The following FAM178B variants were observed in gnomAD, a reference collection of about 807,000 sequenced individuals.
The protein encoded by FAM178B is family with sequence similarity 178 member B.
FAM178B carries 82 observed loss-of-function variants against 91.7 expected under a neutral mutation model. That is an observed-to-expected ratio of 0.89 (90% CI 0.75 to 1.07). The LOEUF (loss-of-function observed/expected upper bound fraction) is 1.07. Among genes scored for constraint, FAM178B ranks in the 50% least tolerant of loss-of-function variants. The probability of loss-of-function intolerance (pLI) is 0.00; values close to 1 mark genes in which losing one functional copy is unlikely to be tolerated. For synonymous variants in FAM178B, 368 were observed against 359.4 expected (o/e 1.02, Z -0.27); for missense variants, 769 against 846.7 (o/e 0.91, Z 1.14).
chr2:96,951,549 G>T, intron 6 of FAM178B, 65 bp from the exon 7 acceptor site: 1 of 1,228,368 alleles, frequency 8.1e-7, no homozygotes, highest in Non-Finnish European at 1.2e-6. Flanking sequence ...CGGTGACACC[G>T]CGGGAGGCTG....
chr2:96,876,411 G>C, intron 16 of FAM178B, 103 bp from the exon 17 acceptor site: 1 of 1,430,906 alleles, frequency 7.0e-7, no homozygotes, highest in South Asian at 1.2e-5. Context: ...CCCATCGCAG[G>C]CTCATGCCAG....
chr2:96,984,029 G>C (rs1240554373), intron 1 of FAM178B, among the ~76,000 whole-genome samples: 1 of 152,016 alleles, frequency 6.6e-6, no homozygotes, highest in Non-Finnish European at 1.5e-5. Flanking sequence ...GAGTGTAATG[G>C]CACAATCTCG....
chr2:96,964,803 T>C (rs1730122), intron 5 of FAM178B, among the ~76,000 whole-genome samples: 122,551 of 152,014 alleles, frequency 0.81, 50,753 homozygotes, highest in Non-Finnish European at 0.88. Flanking sequence ...TGCAGGGCAC[T>C]GTGACCTCTA....
intron 7 of FAM178B, chr2:96,949,938 A>G: frequency 1.0e-6 from 1 of 972,212 alleles, no homozygotes; most frequent in Non-Finnish European, 1.2e-6. Flanking sequence ...GTAGCGACAC[A>G]GGAGTAGGTG....
chr2:96,901,891 T>C (rs28612110), intron 13 of FAM178B, among the ~76,000 whole-genome samples: 44,685 of 151,982 alleles, frequency 0.29, 11,512 homozygotes, highest in African/African-American at 0.7. Context: ...CTCTGCCTCC[T>C]GGGTTCAAGA....
chr2:96,967,911 CTTTTTTTTTTTTTTT>C (rs60965536), intron 4 of FAM178B, among the ~76,000 whole-genome samples: 3 of 62,418 alleles, frequency 4.8e-5, no homozygotes, highest in Non-Finnish European at 9.0e-5. Context: ...CCTGTTTGGT[CTTTTTTTTTTTTTTT>C]TTTTTTTTTT....
chr2:96,905,846 A>ATGTGTGTGTGTGTG (rs1559064237), intron 12 of FAM178B, among the ~76,000 whole-genome samples: 1 of 26,914 alleles, frequency 3.7e-5, no homozygotes, highest in Non-Finnish European at 7.8e-5. Context: ...ATATATATAT[A>ATGTGTGTGTGTGTG]TATATATATA....
chr2:96,957,103 G>A (rs1026444282), intron 6 of FAM178B, among the ~76,000 whole-genome samples: 7 of 151,976 alleles, frequency 4.6e-5, no homozygotes, highest in Admixed American at 2.6e-4. Context: ...GAGCTCAAGC[G>A]ATCCTCCCAA....
At chr2:96,941,869 A>AC (rs2081737794) in intron 8 of FAM178B, among the ~76,000 whole-genome samples, 1 of 152,236 alleles carries the variant, frequency 6.6e-6, no homozygotes, top group Non-Finnish European at 1.5e-5. Flanking sequence ...GCACTAGGTT[A>AC]ACGGACAGTC....
chr2:96,959,199 GAAAAAAAA>G (rs57498168), intron 6 of FAM178B, among the ~76,000 whole-genome samples: 213 of 82,134 alleles, frequency 2.6e-3, no homozygotes, highest in African/African-American at 6.2e-3. Context: ...ACTCAGTTTT[GAAAAAAAA>G]AAAAAAAAAA....
Position 96,986,448 on chromosome 2 carries a change from T to C in FAM178B, c.-135A>G. The C allele has an allele frequency of 1.9e-6, 2 of 1,071,078 alleles. No individual in the cohort carries two copies. The highest frequency in any genetic ancestry group is 2.6e-6 in the Non-Finnish European group (2 of 769,922). The allele number at this position is 1,071,078 out of a possible 1,614,324, so 66.3% of individuals were successfully genotyped here. A position where few individuals can be genotyped will look rare whatever the true frequency, so the allele number is the denominator to read the frequency against. On this transcript the variant is annotated 5_prime_UTR_variant, in exon 1 of 17. Coordinates refer to ENST00000490605, the MANE Select transcript of FAM178B (RefSeq NM_001122646.3). ...CGGCGCAGTGGGAGGACCCCAAGAG[T>C]TGCGTCCCTAGATCCAGGGCCGCCA...
At chr2:96,966,738 A>T (rs1419150454) in intron 5 of FAM178B, among the ~76,000 whole-genome samples, 2 of 152,114 alleles carry the variant, frequency 1.3e-5, no homozygotes, top group East Asian at 3.8e-4. Context: ...GGAGGTGATG[A>T]GGCATGAGGG....
At position 96,960,368 on chromosome 2, in the gene FAM178B, C is replaced by T; in HGVS notation, c.807G>A (p.Leu269=). 2 of 1,551,870 alleles carry T rather than the reference C, an allele frequency of 1.3e-6. No individual in the cohort carries two copies. The highest frequency in any genetic ancestry group is 1.2e-5 in the South Asian group (1 of 84,056). ...PPVHPGETVF[L]PRCHPLPCIL... is the part of the protein sequence containing the mutation. ...TGCATGGCAGGGGGTGACACCTGGGCAGAAACACAGTCTCACCTGGATGGA... is the reference window on the plus strand; with the variant it reads ...TGCATGGCAGGGGGTGACACCTGGGTAGAAACACAGTCTCACCTGGATGGA... The change falls in exon 6 of 17, where the codon CTG becomes CTA. Residue 269 remains leucine (L), a synonymous_variant. Transcript: ENST00000490605.
chr2:96,977,194 C>CAAAAAAAAAAAAAAA (rs70964891), intron 1 of FAM178B, among the ~76,000 whole-genome samples: 1 of 38,522 alleles, frequency 2.6e-5, no homozygotes. Flanking sequence ...GACTCTGTCT[C>CAAAAAAAAAAAAAAA]AAAAAAAAAA....
At chr2:96,924,113 G>T (rs190737453) in intron 9 of FAM178B, among the ~76,000 whole-genome samples, 72 of 152,330 alleles carry the variant, frequency 4.7e-4, no homozygotes, top group African/African-American at 1.7e-3. Context: ...GACACATGGA[G>T]GGGGGCTCCT....
chr2:96,932,941 C>CA (rs35133795), intron 8 of FAM178B, among the ~76,000 whole-genome samples: 9,880 of 33,796 alleles, frequency 0.29, 1,526 homozygotes, highest in African/African-American at 0.49. Flanking sequence ...CTCCGTCTCA[C>CA]AAAAAAAAAA....
At chr2:96,910,417 T>C (rs1350956487) in intron 12 of FAM178B, among the ~76,000 whole-genome samples, 1 of 152,178 alleles carries the variant, frequency 6.6e-6, no homozygotes, top group African/African-American at 2.4e-5. Context: ...CGACCAATAT[T>C]TGATTCCAAA....
chr2:96,973,297 T>C (rs2082248755), intron 1 of FAM178B, among the ~76,000 whole-genome samples: 1 of 152,140 alleles, frequency 6.6e-6, no homozygotes, highest in South Asian at 2.1e-4. Flanking sequence ...TCTTACTTAC[T>C]TGGTGCCACC....
chr2:96,985,442 A>T (rs999988758), intron 1 of FAM178B, among the ~76,000 whole-genome samples: 1 of 152,148 alleles, frequency 6.6e-6, no homozygotes, highest in Admixed American at 6.5e-5. Context: ...TTTAGCGTTC[A>T]GCCGCCCTCC....
Sources: gnomAD v4.1 joint callset for allele counts (sites outside exome capture counted in the v4.1 genomes callset) on GRCh38, gnomAD v4.1.1 for gene constraint, MANE v1.5 for transcripts, NCBI Gene and HGNC (gene_info 2026-07-23, HGNC 2026-07-21) for gene names.